SASH1: variants seen among roughly 807,000 people sequenced by gnomAD.
SASH1 encodes SAM and SH3 domain containing 1.
Under a neutral mutation model 125.2 loss-of-function variants are expected in SASH1, and 44 were observed. That is an observed-to-expected ratio of 0.35 (90% CI 0.28 to 0.45). The LOEUF is 0.45. Ranked by LOEUF, SASH1 falls within the 20% of genes least tolerant of loss-of-function variation. SASH1 has a pLI of 1.00. For synonymous variants in SASH1, 639 were observed against 649.1 expected (o/e 0.98, Z 0.24); for missense variants, 1,426 against 1,614.5 (o/e 0.88, Z 2.00).
In SASH1 at chr6:148,544,018, G is replaced by A. The variant is rs1343218755; in HGVS notation, c.2548G>A (p.Glu850Lys). The A allele has an allele frequency of 6.2e-7, 1 of 1,614,144 alleles. No homozygotes were observed. Among genetic ancestry groups the A allele is most frequent in the South Asian group, 1.1e-5 (1 of 91,078 alleles). The change falls in exon 18 of 20, where the codon GAG becomes AAG. Residue 850 changes from glutamate (E) to lysine (K), a missense_variant. Glu to Lys is a moderately conservative substitution (Grantham distance 56). Coordinates refer to ENST00000367467, the MANE Select transcript of SASH1 (RefSeq NM_015278.5). The surrounding 1 kb of genome is among the most constrained non-coding windows in gnomAD (Gnocchi z 6.4). ...LDDLQVEPGA[E>K]QDVPTEVTEP... ...TGACCTTCAAGTGGAGCCTGGTGCT[G>A]AGCAAGACGTGCCTACCGAGGTGAC...
At chr6:148,489,682 CTTAA>C (rs1210496492) in intron 8 of SASH1, among the ~76,000 whole-genome samples, 3 of 151,824 alleles carry the variant, frequency 2.0e-5, no homozygotes, top group Non-Finnish European at 4.4e-5. Context: ...GTCTTGCTTC[CTTAA>C]TTAAGTTTAT....
At chr6:148,359,878 C>G (rs1009549852) in intron 1 of SASH1, among the ~76,000 whole-genome samples, 8 of 152,260 alleles carry the variant, frequency 5.3e-5, no homozygotes, top group African/African-American at 1.9e-4. Flanking sequence ...CCTGCCTCAG[C>G]CTCCTGAGTA....
intron 4 of SASH1, among the ~76,000 whole-genome samples, chr6:148,453,808 G>C (rs1418099384): frequency 1.3e-5 from 2 of 152,204 alleles, no homozygotes; most frequent in African/African-American, 4.8e-5. Flanking sequence ...AAGGAGGTAT[G>C]GTGAACCCCG....
the SASH1 span, among the ~76,000 whole-genome samples, chr6:148,226,504 G>A: frequency 2.6e-5 from 4 of 152,068 alleles, no homozygotes; most frequent in Admixed American, 6.6e-5. Flanking sequence ...TTAGGCTGCT[G>A]GTAATAGAAA....
intron 16 of SASH1, among the ~76,000 whole-genome samples, chr6:148,538,997 C>T (rs9689438): frequency 0.29 from 44,853 of 152,050 alleles, 7,123 homozygotes; most frequent in Non-Finnish European, 0.36. Flanking sequence ...CTTTCTACAA[C>T]ATGCCGGGTG....
chr6:148,236,204 G>C, the SASH1 span, among the ~76,000 whole-genome samples: 1 of 151,768 alleles, frequency 6.6e-6, no homozygotes, highest in Admixed American at 6.6e-5. Context: ...AAATCACACA[G>C]TTTATTAAAT....
At chr6:148,538,278 C>G (rs1583324278) in intron 16 of SASH1, among the ~76,000 whole-genome samples, 1 of 152,206 alleles carries the variant, frequency 6.6e-6, no homozygotes, top group Non-Finnish European at 1.5e-5. Flanking sequence ...CTGTGTTACT[C>G]CCACCCAGCA....
intron 1 of SASH1, among the ~76,000 whole-genome samples, chr6:148,326,983 C>T (rs1780848196): frequency 6.6e-6 from 1 of 152,158 alleles, no homozygotes; most frequent in Admixed American, 6.6e-5. Context: ...GAAAATCTTT[C>T]CTTTTACTTC....
At chr6:148,518,264 G>C (rs908625031) in intron 9 of SASH1, among the ~76,000 whole-genome samples, 1 of 152,128 alleles carries the variant, frequency 6.6e-6, no homozygotes, top group Admixed American at 6.5e-5. Context: ...CTCTTCAGGG[G>C]ACTGTGGGCT....
upstream of SASH1, among the ~76,000 whole-genome samples, chr6:148,341,330 G>GC (rs1781317326): frequency 2.6e-5 from 3 of 113,254 alleles, no homozygotes; most frequent in African/African-American, 1.1e-4. Flanking sequence ...TTTTTTTTTT[G>GC]TTTTTTTTTT....
At chr6:148,368,334 G>A (rs903279266) in intron 1 of SASH1, among the ~76,000 whole-genome samples, 13 of 152,130 alleles carry the variant, frequency 8.5e-5, no homozygotes, top group South Asian at 2.1e-4. Flanking sequence ...GCAGTGGCAC[G>A]ATCTCGACTC....
At chr6:148,273,950 G>A (rs1448396754) in intron 1 of SASH1, among the ~76,000 whole-genome samples, 1 of 152,234 alleles carries the variant, frequency 6.6e-6, no homozygotes. Flanking sequence ...AGAAATGTCA[G>A]TTTGGGCATT....
intron 1 of SASH1, among the ~76,000 whole-genome samples, chr6:148,296,782 T>C (rs369411274): frequency 1.2e-4 from 19 of 152,300 alleles, no homozygotes; most frequent in African/African-American, 4.3e-4. Flanking sequence ...AAGGGCTTCT[T>C]CCCCTAGAGC....
At chr6:148,326,353 TA>T (rs1780816122) in intron 1 of SASH1, among the ~76,000 whole-genome samples, 1 of 90,038 alleles carries the variant, frequency 1.1e-5, no homozygotes, top group African/African-American at 4.1e-5. Flanking sequence ...TATATATATA[TA>T]TATGCATATA....
chr6:148,307,863 A>G (rs1251905326), intron 1 of SASH1, among the ~76,000 whole-genome samples: 2 of 152,136 alleles, frequency 1.3e-5, no homozygotes, highest in Non-Finnish European at 2.9e-5. Flanking sequence ...CACGACAAAT[A>G]TATTTTATTT....
At chr6:148,329,195 G>T (rs1780919784) in intron 1 of SASH1, among the ~76,000 whole-genome samples, 1 of 152,170 alleles carries the variant, frequency 6.6e-6, no homozygotes, top group Admixed American at 6.5e-5. Flanking sequence ...ACATTCATTA[G>T]ATAGCTAGCA....
chr6:148,527,624 C>A, intron 12 of SASH1, 28 bp downstream of exon 12: 1 of 1,582,410 alleles, frequency 6.3e-7, no homozygotes, highest in South Asian at 1.2e-5. Flanking sequence ...AGAATGTTCC[C>A]TTGGTTCTTC....
At chr6:148,530,040 C>T (rs1008320902) in intron 12 of SASH1, among the ~76,000 whole-genome samples, 1 of 152,026 alleles carries the variant, frequency 6.6e-6, no homozygotes, top group Non-Finnish European at 1.5e-5. Context: ...CTCCTGACCT[C>T]GTGAGCCACC....
At chr6:148,435,842 T>C (rs1776271604) in intron 2 of SASH1, among the ~76,000 whole-genome samples, 1 of 152,348 alleles carries the variant, frequency 6.6e-6, no homozygotes, top group African/African-American at 2.4e-5. Flanking sequence ...TAAAATTTTC[T>C]ATAATCATAG....
Sources: allele counts gnomAD v4.1 joint callset (sites outside exome capture counted in the v4.1 genomes callset), GRCh38; gene constraint gnomAD v4.1.1; non-coding constraint Gnocchi (gnomAD v3.1); transcripts MANE v1.5; gene names NCBI Gene and HGNC (gene_info 2026-07-23, HGNC 2026-07-21).